IGF1R: variants seen among roughly 807,000 people sequenced by gnomAD.
IGF1R encodes the protein insulin like growth factor 1 receptor.
Under a neutral mutation model 144.6 loss-of-function variants are expected in IGF1R, and 44 were observed. That is an observed-to-expected ratio of 0.30 (90% confidence interval 0.24 to 0.39). The LOEUF is 0.39. Among genes scored for constraint, IGF1R ranks in the 10% least tolerant of loss-of-function variants. The pLI is 1.00. For synonymous variants in IGF1R, 795 were observed against 722.8 expected, an observed-to-expected ratio of 1.10 and a Z score of -1.60; for missense variants, 1,355 against 1,833.7, an observed-to-expected ratio of 0.74 and a Z score of 4.77.
rs1054379463 is a variant in IGF1R at position 98,810,709 on chromosome 15, C to T, written c.641-80616C>T. Among the ~76,000 whole-genome samples, 20 of 152,124 alleles carry T rather than the reference C, an allele frequency of 1.3e-4. 1 individual carries two copies. In the South Asian group the frequency reaches 2.1e-3, roughly 16 times the overall value. ...GACTACAGGCGCCCGCCACCACGCCCGGCTTATTTTTCGTATTTTTAGTAG... is the reference window on the plus strand; with the variant it reads ...GACTACAGGCGCCCGCCACCACGCCTGGCTTATTTTTCGTATTTTTAGTAG... On this transcript the variant is annotated intron_variant, in intron 2 of 20. Transcript: ENST00000650285.
At chr15:98,706,475 A>G (rs1364666358) in intron 1 of IGF1R, among the ~76,000 whole-genome samples, 2 of 152,226 alleles carry the variant, frequency 1.3e-5, no homozygotes, top group African/African-American at 4.8e-5. Flanking sequence ...TTCCACTTCT[A>G]GGGATTTATC....
intron 2 of IGF1R, among the ~76,000 whole-genome samples, chr15:98,708,824 G>A (rs533212114): frequency 2.0e-5 from 3 of 152,180 alleles, no homozygotes; most frequent in Non-Finnish European, 2.9e-5. Context: ...CTGAACAGTT[G>A]TGAAAATCTT....
At chr15:98,748,312 A>G (rs184444474) in intron 2 of IGF1R, among the ~76,000 whole-genome samples, 12 of 152,112 alleles carry the variant, frequency 7.9e-5, no homozygotes, top group African/African-American at 2.9e-4. Flanking sequence ...AACTACAGGC[A>G]TAAGCCACCT....
intron 5 of IGF1R, chr15:98,900,901 T>C (rs2014447715): frequency 6.6e-6 from 1 of 152,228 alleles, no homozygotes; most frequent in African/African-American, 2.4e-5. Flanking sequence ...CTGTCAAATT[T>C]TCTTGTTGCT....
rs45562732 is a variant in IGF1R at position 98,935,738 on chromosome 15, G to C, written c.3297+312G>C. On this transcript the variant is annotated intron_variant, in intron 17 of 20. Transcript: ENST00000650285. The surrounding 1 kb of genome is among the most constrained non-coding windows in gnomAD (Gnocchi z 4.2). ...TGTCCACCTGCCAAGCCAGGCCAGC[G>C]CCACTCCCTCCCCGAAGCTTTCCTG... Among the ~76,000 whole-genome samples the C allele has an allele frequency of 0.071, 10,679 of 150,880 alleles. 434 individuals carry two copies. Among genetic ancestry groups the C allele is most frequent in the Middle Eastern group, 0.16 (46 of 292 alleles).
At chr15:98,819,298 G>T (rs767084096) in intron 2 of IGF1R, among the ~76,000 whole-genome samples, 4 of 152,110 alleles carry the variant, frequency 2.6e-5, no homozygotes, top group Non-Finnish European at 4.4e-5. Context: ...GTTAAAAATG[G>T]AAAACCCTGC....
rs1178398474 is a variant in IGF1R at position 98,648,967 on chromosome 15, A to T, written c.-615A>T. The T allele has an allele frequency of 5.1e-6, 1 of 195,734 alleles. No individual in the cohort carries two copies. Among genetic ancestry groups the T allele is most frequent in the African/African-American group, 2.4e-5 (1 of 41,702 alleles). 12.1% of individuals were successfully genotyped at this position (195,734 alleles called of 1,614,324 possible). A position where few individuals can be genotyped will look rare whatever the true frequency, so the allele number is the denominator to read the frequency against. Reference sequence around the variant, plus strand: ...GCCCGCCGCTTTGTGTGTGTCCTGGATTTGGGAAGGAGCTCGCCGCGGCGG... The same window carrying T: ...GCCCGCCGCTTTGTGTGTGTCCTGGTTTTGGGAAGGAGCTCGCCGCGGCGG... On this transcript the variant is annotated 5_prime_UTR_variant, in exon 1 of 21. Coordinates refer to ENST00000650285, the MANE Select transcript of IGF1R (RefSeq NM_000875.5).
chr15:98,794,401 GC>G (rs2056193913), intron 2 of IGF1R, among the ~76,000 whole-genome samples: 1 of 152,112 alleles, frequency 6.6e-6, no homozygotes, highest in Non-Finnish European at 1.5e-5. Context: ...AGCAGGTGTT[GC>G]CCCCCGTGGT....
intron 1 of IGF1R, among the ~76,000 whole-genome samples, chr15:98,658,485 A>C (rs979269593): frequency 1.3e-5 from 2 of 152,232 alleles, no homozygotes; most frequent in African/African-American, 4.8e-5. Flanking sequence ...TAGAAAACCA[A>C]AGTCAGAAAA....
intron 2 of IGF1R, among the ~76,000 whole-genome samples, chr15:98,836,764 CTTGT>C (rs1451007200): frequency 3.3e-5 from 5 of 152,254 alleles, no homozygotes; most frequent in Middle Eastern, 3.4e-3. Context: ...TCTATCTTTG[CTTGT>C]TTTTCATGAC....
intron 2 of IGF1R, among the ~76,000 whole-genome samples, chr15:98,875,375 G>A (rs1275140021): frequency 7.5e-6 from 1 of 133,970 alleles, no homozygotes; most frequent in East Asian, 2.3e-4. Flanking sequence ...TAGGTGACTT[G>A]GCCAGTTTGG....
chr15:98,695,160 A>G (rs994634947), intron 1 of IGF1R, among the ~76,000 whole-genome samples: 5 of 152,200 alleles, frequency 3.3e-5, no homozygotes, highest in South Asian at 2.1e-4. Flanking sequence ...TATGCTTTTC[A>G]GTGGGATATA....
intron 2 of IGF1R, among the ~76,000 whole-genome samples, chr15:98,710,828 G>A (rs575184060): frequency 3.5e-4 from 53 of 152,018 alleles, no homozygotes; most frequent in Non-Finnish European, 5.7e-4. Context: ...CACCATGCCC[G>A]TCTAATTTTT....
chr15:98,661,653 TCAAA>T (rs2052601374), intron 1 of IGF1R, among the ~76,000 whole-genome samples: 1 of 152,192 alleles, frequency 6.6e-6, no homozygotes, highest in African/African-American at 2.4e-5. Context: ...CCTTGTCCCC[TCAAA>T]CAATTCACTG....
chr15:98,810,782 T>C (rs895659672), intron 2 of IGF1R, among the ~76,000 whole-genome samples: 2 of 151,426 alleles, frequency 1.3e-5, no homozygotes, highest in African/African-American at 4.8e-5. Context: ...TCTCCTGACC[T>C]CGTGATCCGC....
chr15:98,656,005 T>C (rs2052476639), intron 1 of IGF1R, among the ~76,000 whole-genome samples: 1 of 152,254 alleles, frequency 6.6e-6, no homozygotes, highest in Non-Finnish European at 1.5e-5. Context: ...CAAGAATTTG[T>C]AAACTCATAG....
At chr15:98,787,274 T>C (rs2056020407) in intron 2 of IGF1R, among the ~76,000 whole-genome samples, 2 of 152,208 alleles carry the variant, frequency 1.3e-5, no homozygotes, top group Admixed American at 1.3e-4. Context: ...TGTGCCAACC[T>C]GACTTTTGTT....
At chr15:98,756,751 A>G (rs1291327876) in intron 2 of IGF1R, among the ~76,000 whole-genome samples, 1 of 152,068 alleles carries the variant, frequency 6.6e-6, no homozygotes, top group Non-Finnish European at 1.5e-5. Flanking sequence ...AAGGCTATAC[A>G]TTTTCTTTGA....
At chr15:98,864,918 C>T (rs1398632425) in intron 2 of IGF1R, among the ~76,000 whole-genome samples, 2 of 152,188 alleles carry the variant, frequency 1.3e-5, no homozygotes, top group Non-Finnish European at 2.9e-5. Flanking sequence ...CACACAAGAG[C>T]GTGCAAGCTA....
Sources: gnomAD v4.1 joint callset for allele counts (sites outside exome capture counted in the v4.1 genomes callset) on GRCh38, gnomAD v4.1.1 for gene constraint, Gnocchi (gnomAD v3.1) non-coding constraint, MANE v1.5 for transcripts, NCBI Gene and HGNC (gene_info 2026-07-23, HGNC 2026-07-21) for gene names.